LCOR: variants seen among roughly 807,000 people sequenced by gnomAD.
The protein encoded by LCOR is ligand dependent nuclear receptor corepressor.
In LCOR, 14 loss-of-function variants were observed where a neutral mutation model predicts 64.4. The ratio of observed to expected loss-of-function variants is 0.22; its 90% CI spans 0.14 to 0.34. The LOEUF is 0.34. LCOR is among the 10% of genes least tolerant of loss of function. LCOR has a pLI of 1.00. For missense variants in LCOR, 1,686 were observed against 1,765.3 expected (o/e 0.96, Z 0.80); for synonymous variants, 643 against 642.5 (o/e 1.00, Z -0.01).
At chr10:96,920,537 T>C (rs1847041126) in intron 4 of LCOR, among the ~76,000 whole-genome samples, 1 of 143,636 alleles carries the variant, frequency 7.0e-6, no homozygotes, top group South Asian at 2.1e-4. Flanking sequence ...TGTATATATG[T>C]ATGTATATTC....
At chr10:96,836,806 T>G (rs941365021) in intron 2 of LCOR, among the ~76,000 whole-genome samples, 3 of 152,210 alleles carry the variant, frequency 2.0e-5, no homozygotes, top group East Asian at 3.8e-4. Context: ...TCATGATTAG[T>G]GTAAGGGATA....
chr10:96,864,221 A>C (rs1845934165), intron 2 of LCOR, among the ~76,000 whole-genome samples: 1 of 152,214 alleles, frequency 6.6e-6, no homozygotes, highest in Non-Finnish European at 1.5e-5. Flanking sequence ...GAGGATAGGA[A>C]ATAATGACAC....
intron 2 of LCOR, among the ~76,000 whole-genome samples, chr10:96,837,267 G>A (rs1845461805): frequency 6.6e-6 from 1 of 151,982 alleles, no homozygotes; most frequent in Admixed American, 6.6e-5. Flanking sequence ...TGGGATTACA[G>A]GCATGAGCCA....
At chr10:96,918,933 C>G (rs569343872) in intron 4 of LCOR, among the ~76,000 whole-genome samples, 3 of 152,138 alleles carry the variant, frequency 2.0e-5, no homozygotes, top group Non-Finnish European at 4.4e-5. Context: ...CTAGTTACAT[C>G]AGCAACAAAA....
chr10:96,961,520 T>A (rs1358282937), intron 7 of LCOR: 1 of 152,108 alleles, frequency 6.6e-6, no homozygotes, highest in African/African-American at 2.4e-5. Context: ...GATCCATACC[T>A]CTTAAACTTT....
At chr10:96,933,337 A>G (rs547294408) in intron 4 of LCOR, among the ~76,000 whole-genome samples, 32 of 152,352 alleles carry the variant, frequency 2.1e-4, no homozygotes, top group African/African-American at 7.2e-4. Flanking sequence ...TAAACCTTGT[A>G]GGATTTCTGT....
intron 4 of LCOR, among the ~76,000 whole-genome samples, chr10:96,925,159 T>G (rs1320516415): frequency 1.3e-5 from 2 of 152,136 alleles, no homozygotes; most frequent in African/African-American, 4.8e-5. Context: ...CACAGCAACC[T>G]CCGCGTCCCG....
At chr10:96,845,347 A>G (rs1007628300) in intron 2 of LCOR, among the ~76,000 whole-genome samples, 3 of 150,686 alleles carry the variant, frequency 2.0e-5, no homozygotes, top group Non-Finnish European at 4.4e-5. Context: ...TTGTTGCACC[A>G]TGAATGATAT....
chr10:96,905,101 T>C (rs1377276642), intron 2 of LCOR, among the ~76,000 whole-genome samples: 1 of 152,188 alleles, frequency 6.6e-6, no homozygotes, highest in African/African-American at 2.4e-5. Flanking sequence ...TGCTTTTTCA[T>C]CTGTGACTCA....
chr10:96,853,941 T>G (rs1010984218), intron 2 of LCOR, among the ~76,000 whole-genome samples: 50 of 152,176 alleles, frequency 3.3e-4, no homozygotes, highest in African/African-American at 1.2e-3. Flanking sequence ...GACTCCCCCA[T>G]TATTACGAGA....
rs753225863 is a variant in LCOR at position 96,983,585 on chromosome 10, A to C, written c.3125A>C (p.Asn1042Thr). Residue 1042 changes from asparagine (N) to threonine (T), a missense_variant, in exon 8 of 8, where the codon AAC becomes ACC. Around this residue, in one of 3 missense-constraint regions of LCOR, gnomAD observed 1,293 missense variants for 1,410.4 expected, o/e 0.92. Coordinates refer to ENST00000421806, the MANE Select transcript of LCOR (RefSeq NM_001346516.2). This position sits in a 1 kb window ranked among gnomAD's most constrained non-coding sequence, Gnocchi z 4.5. Reference protein sequence around the residue: ...RPKRLTSSTYNLRHAHSLGSL... With the variant: ...RPKRLTSSTYTLRHAHSLGSL... ...AAAAGATTGACCTCTTCAACCTACA[A>C]CCTAAGACACGCTCATTCTCTGGGC... The C allele has an allele frequency of 6.2e-7, 1 of 1,614,180 alleles. No homozygotes were observed. Among genetic ancestry groups the C allele is most frequent in the South Asian group, 1.1e-5 (1 of 91,086 alleles).
In LCOR at chr10:96,983,258, C is replaced by G; in HGVS notation, c.2798C>G (p.Pro933Arg). 1 of 1,614,146 alleles carries G rather than the reference C, an allele frequency of 6.2e-7. No homozygotes were observed. Among genetic ancestry groups the G allele is most frequent in the Non-Finnish European group, 8.5e-7 (1 of 1,180,024 alleles). ...LRGEIFPSRD[P>R]ITTAGQPLPG... ...GGAGAGATTTTCCCCAGCAGGGACC[C>G]CATAACCACAGCTGGACAGCCACTG... The change falls in exon 8 of 8, where the codon CCC becomes CGC. Residue 933 changes from proline to arginine, a missense_variant. This residue lies in a region of LCOR where 1,293 missense variants were observed against 1,410.4 expected (regional missense o/e 0.92). Transcript: ENST00000421806. This position sits in a 1 kb window ranked among gnomAD's most constrained non-coding sequence, Gnocchi z 4.5.
chr10:96,943,752 TAAAA>T lies in LCOR; in HGVS notation c.-183-352_-183-349del, dbSNP rs534758194. Among the ~76,000 whole-genome samples the T allele has an allele frequency of 3.7e-3, 518 of 140,004 alleles. 1 individual carries two copies. The highest frequency in any genetic ancestry group is 6.2e-3 in the Non-Finnish European group (395 of 63,404). The allele number at this position is 140,004 out of a possible 152,430, so 91.8% of individuals were successfully genotyped here. A position where few individuals can be genotyped will look rare whatever the true frequency, so the allele number is the denominator to read the frequency against. ...AAAAAAAATTTTTTTTTTGGTAAAT[TAAAA>T]AAAAAAAAGCCTTCTGTCTGAATTG... On this transcript the variant is annotated intron_variant, in intron 4 of 7. Coordinates refer to ENST00000421806, the MANE Select transcript of LCOR (RefSeq NM_001346516.2).
chr10:96,946,351 TAG>T (rs1847590068), intron 5 of LCOR, among the ~76,000 whole-genome samples: 1 of 152,072 alleles, frequency 6.6e-6, no homozygotes, highest in East Asian at 1.9e-4. Flanking sequence ...GGATTATGTA[TAG>T]TTAAGTAGAA....
intron 2 of LCOR, among the ~76,000 whole-genome samples, chr10:96,855,002 T>C (rs909355135): frequency 1.3e-5 from 2 of 152,192 alleles, no homozygotes; most frequent in Non-Finnish European, 2.9e-5. Flanking sequence ...ATCTTGATTT[T>C]CTTTTAGGGA....
At chr10:96,840,698 G>A (rs924225418) in intron 2 of LCOR, among the ~76,000 whole-genome samples, 8 of 152,046 alleles carry the variant, frequency 5.3e-5, no homozygotes, top group Non-Finnish European at 1.0e-4. Flanking sequence ...CTGTCTAAAG[G>A]GACTTTTCTT....
intron 2 of LCOR, among the ~76,000 whole-genome samples, chr10:96,840,320 T>TA: frequency 6.6e-6 from 1 of 152,332 alleles, no homozygotes; most frequent in Non-Finnish European, 1.5e-5. Flanking sequence ...GCATATCACT[T>TA]AATCATTTTT....
chr10:96,893,941 A>G (rs1285405698), intron 2 of LCOR, among the ~76,000 whole-genome samples: 2 of 152,228 alleles, frequency 1.3e-5, no homozygotes, highest in African/African-American at 4.8e-5. Context: ...TCAGTTGGAT[A>G]CATAAAATGT....
intron 2 of LCOR, among the ~76,000 whole-genome samples, chr10:96,879,633 T>C (rs899599077): frequency 1.3e-5 from 2 of 152,202 alleles, no homozygotes; most frequent in African/African-American, 4.8e-5. Context: ...TTGGAGACTA[T>C]ATATTAATAC....
Sources: gnomAD v4.1 joint callset for allele counts (sites outside exome capture counted in the v4.1 genomes callset) on GRCh38, gnomAD v4.1.1 for gene constraint, gnomAD v4.1.1 regional missense constraint, Gnocchi (gnomAD v3.1) non-coding constraint, MANE v1.5 for transcripts, NCBI Gene and HGNC (gene_info 2026-07-23, HGNC 2026-07-21) for gene names.